YTHDC1: variants seen among roughly 807,000 people sequenced by gnomAD.
The protein encoded by YTHDC1 is YTH N6-methyladenosine RNA binding protein C1.
In YTHDC1, 12 loss-of-function variants were observed where a neutral mutation model predicts 107.0. The observed-to-expected ratio is 0.11, with a 90% CI of 0.07 to 0.18. YTHDC1 has a LOEUF of 0.18. Ranked by LOEUF, YTHDC1 falls within the 10% of genes least tolerant of loss-of-function variation. The pLI is 1.00. For missense variants in YTHDC1, 635 were observed against 898.8 expected (o/e 0.71, Z 3.75); for synonymous variants, 280 against 289.5 (o/e 0.97, Z 0.33).
chr4:68,350,026 T>C lies in YTHDC1; in HGVS notation c.-273A>G, dbSNP rs1725939924. ...GTATGGGGGAGGGAAGGGAAACAGATGGCGACGGCGGGCGGCGCTAAAATG... is the reference window on the plus strand; with the variant it reads ...GTATGGGGGAGGGAAGGGAAACAGACGGCGACGGCGGGCGGCGCTAAAATG... On this transcript the variant is annotated 5_prime_UTR_variant, in exon 1 of 17. Transcript: ENST00000344157. 4 of 552,082 alleles carry C rather than the reference T, an allele frequency of 7.2e-6. No individual in the cohort carries two copies. Among genetic ancestry groups the C allele is most frequent in the South Asian group, 2.3e-5 (1 of 44,144 alleles). 34.2% of individuals were successfully genotyped at this position (552,082 alleles called of 1,614,324 possible).
chr4:68,312,745 C>T lies in YTHDC1; in HGVS notation c.*1354G>A, dbSNP rs1036530530. The T allele has an allele frequency of 2.0e-5, 3 of 152,164 alleles. No individual in the cohort carries two copies. Among genetic ancestry groups the T allele is most frequent in the African/African-American group, 7.2e-5 (3 of 41,438 alleles). The allele number at this position is 152,164 out of a possible 1,614,324, so 9.4% of individuals were successfully genotyped here. A position where few individuals can be genotyped will look rare whatever the true frequency, so the allele number is the denominator to read the frequency against. ...AAACTGTACTATGTGATCTGGTACA[C>T]AGTACAACTGTTGATACTATAAAAA... On this transcript the variant is annotated 3_prime_UTR_variant, in exon 17 of 17. Coordinates refer to ENST00000344157, the MANE Select transcript of YTHDC1 (RefSeq NM_001031732.4).
chr4:68,333,596 C>G (rs1386832417), intron 4 of YTHDC1, among the ~76,000 whole-genome samples, 199 bp from the exon 5 acceptor site: 1 of 152,006 alleles, frequency 6.6e-6, no homozygotes, highest in Non-Finnish European at 1.5e-5. Context: ...TTGTTTCTTT[C>G]ATCAGTTTCA....
At chr4:68,347,278 T>C (rs1476099944) in intron 1 of YTHDC1, among the ~76,000 whole-genome samples, 1 of 152,230 alleles carries the variant, frequency 6.6e-6, no homozygotes, top group Non-Finnish European at 1.5e-5. Flanking sequence ...AAAAGATTAA[T>C]ACAATTTATA....
chr4:68,323,048 T>A, intron 10 of YTHDC1, 133 bp from the exon 11 acceptor site: 1 of 752,560 alleles, frequency 1.3e-6, no homozygotes, highest in Non-Finnish European at 2.1e-6. Flanking sequence ...GGGATTCCAA[T>A]AAGACTTCCA....
In YTHDC1 at chr4:68,312,514, A is replaced by G. The variant is rs755472116; in HGVS notation, c.*1585T>C. 2.6e-5 allele frequency: 4 copies of G among 152,218 alleles called. No homozygotes were observed. Among genetic ancestry groups the G allele is most frequent in the Non-Finnish European group, 5.9e-5 (4 of 68,032 alleles). 9.4% of individuals were successfully genotyped at this position (152,218 alleles called of 1,614,324 possible). On this transcript the variant is annotated 3_prime_UTR_variant, in exon 17 of 17. Transcript: ENST00000344157. The stretch of plus-strand genomic sequence containing the variant: ...CAAAACTAGAACCCAGGTTTCCTTA[A>G]AAGTACTTTTTCCTCTCTACCACAA...
chr4:68,326,722 C>G (rs1275915756), intron 9 of YTHDC1, among the ~76,000 whole-genome samples: 1 of 151,910 alleles, frequency 6.6e-6, no homozygotes, highest in Admixed American at 6.5e-5. Context: ...TCCCATGTAG[C>G]TGGGACTACA....
At chr4:68,317,854 G>A (rs1722030734) in intron 15 of YTHDC1, among the ~76,000 whole-genome samples, 2 of 152,112 alleles carry the variant, frequency 1.3e-5, no homozygotes, top group South Asian at 4.1e-4. Flanking sequence ...TATTTGATAA[G>A]ACAAAGCATC....
intron 12 of YTHDC1, among the ~76,000 whole-genome samples, chr4:68,319,711 C>G (rs1417868222): frequency 6.6e-6 from 1 of 152,028 alleles, no homozygotes; most frequent in African/African-American, 2.4e-5. Context: ...CCATTCCTCT[C>G]CAAAGACATA....
chr4:68,348,009 A>G (rs1239043982), intron 1 of YTHDC1, among the ~76,000 whole-genome samples: 1 of 152,244 alleles, frequency 6.6e-6, no homozygotes, highest in East Asian at 1.9e-4. Flanking sequence ...AAAACTAAGC[A>G]AATGTGAGGC....
Position 68,350,039 on chromosome 4 carries a change from C to T in YTHDC1, c.-286G>A. 1.8e-6 allele frequency: 1 copy of T among 544,476 alleles called. No homozygotes were observed. Among genetic ancestry groups the T allele is most frequent in the South Asian group, 2.3e-5 (1 of 44,070 alleles). 33.7% of individuals were successfully genotyped at this position (544,476 alleles called of 1,614,324 possible). A position where few individuals can be genotyped will look rare whatever the true frequency, so the allele number is the denominator to read the frequency against. The stretch of plus-strand genomic sequence containing the variant: ...AAGGGAAACAGATGGCGACGGCGGG[C>T]GGCGCTAAAATGGAGCCTGCTTCCT... On this transcript the variant is annotated 5_prime_UTR_variant, in exon 1 of 17. Transcript: ENST00000344157.
At chr4:68,345,054 T>G (rs1725266823) in intron 1 of YTHDC1, among the ~76,000 whole-genome samples, 1 of 152,124 alleles carries the variant, frequency 6.6e-6, no homozygotes, top group Admixed American at 6.5e-5. Context: ...AAAAAAATCA[T>G]TATTTTTAAG....
chr4:68,349,817 C>T lies in YTHDC1; in HGVS notation c.-64G>A. On this transcript the variant is annotated 5_prime_UTR_variant, in exon 1 of 17. Coordinates refer to ENST00000344157, the MANE Select transcript of YTHDC1 (RefSeq NM_001031732.4). ...CGCTTAGACGCGACTCGCGCGGGCG[C>T]CGCAGCCGCGGCAGAAGCACGGGCC... 1.5e-5 allele frequency: 24 copies of T among 1,608,986 alleles called. No individual in the cohort carries two copies. The highest frequency in any genetic ancestry group is 1.9e-5 in the Non-Finnish European group (22 of 1,177,510).
Position 68,323,000 on chromosome 4 carries a change from T to C in YTHDC1, c.1435-85A>G. The C allele has an allele frequency of 7.2e-7, 1 of 1,386,646 alleles. No individual in the cohort carries two copies. Among genetic ancestry groups the C allele is most frequent in the Non-Finnish European group, 9.9e-7 (1 of 1,011,742 alleles). The allele number at this position is 1,386,646 out of a possible 1,614,324, so 85.9% of individuals were successfully genotyped here. On this transcript the variant is annotated intron_variant, in intron 10 of 16. Transcript: ENST00000344157. This position sits in a 1 kb window ranked among gnomAD's most constrained non-coding sequence, Gnocchi z 4.8. ...TTTCCTGATGTACCAGAACAAAAACTGACTTGGAAGCTTTCTTCCCAAGGC... is the reference window on the plus strand; with the variant it reads ...TTTCCTGATGTACCAGAACAAAAACCGACTTGGAAGCTTTCTTCCCAAGGC...
At chr4:68,315,206 T>C (rs543358773) in intron 16 of YTHDC1, among the ~76,000 whole-genome samples, 64 of 152,214 alleles carry the variant, frequency 4.2e-4, no homozygotes, top group Admixed American at 1.5e-3. Context: ...CTTTCTTGTG[T>C]GCTTAACTGA....
rs559874567 is a variant in YTHDC1, at chr4:68,337,880, G to T, written c.151C>A (p.Arg51=). The stretch of plus-strand genomic sequence containing the variant: ...CGTTTGGTATCAGTAGATTCCATTC[G>T]ATCACTTTTTCTTTTTGATCCTTTA... ...EKKGSKRKSD[R]MESTDTKRQK... The change falls in exon 3 of 17, where the codon CGA becomes AGA. Residue 51 remains arginine (R), a synonymous_variant. Coordinates refer to ENST00000344157, the MANE Select transcript of YTHDC1 (RefSeq NM_001031732.4). 8 of 1,611,016 alleles carry T rather than the reference G, an allele frequency of 5.0e-6. No homozygotes were observed. Among genetic ancestry groups the T allele is most frequent in the South Asian group, 2.2e-5 (2 of 90,796 alleles).
chr4:68,317,025 G>C (rs1337965801), intron 15 of YTHDC1, among the ~76,000 whole-genome samples: 1 of 152,160 alleles, frequency 6.6e-6, no homozygotes, highest in Non-Finnish European at 1.5e-5. Flanking sequence ...TAAGCCAGGA[G>C]TTGGAGACCA....
chr4:68,336,239 T>C (rs973312587), intron 4 of YTHDC1, among the ~76,000 whole-genome samples: 4 of 151,978 alleles, frequency 2.6e-5, no homozygotes, highest in Non-Finnish European at 5.9e-5. Flanking sequence ...AGCAATCTGG[T>C]AGCATCTTTA....
intron 10 of YTHDC1, among the ~76,000 whole-genome samples, chr4:68,323,670 C>T (rs572873231): frequency 3.9e-5 from 6 of 152,204 alleles, no homozygotes; most frequent in African/African-American, 1.2e-4. Context: ...GTGAGAATTA[C>T]AAGGGTCAAA....
chr4:68,325,288 T>G (rs1323642084), intron 9 of YTHDC1, among the ~76,000 whole-genome samples: 1 of 152,096 alleles, frequency 6.6e-6, no homozygotes, highest in Non-Finnish European at 1.5e-5. Context: ...TTGTTTTTAA[T>G]AGGAGTGGTT....
Sources: gnomAD v4.1 joint callset for allele counts (sites outside exome capture counted in the v4.1 genomes callset) on GRCh38, gnomAD v4.1.1 for gene constraint, Gnocchi (gnomAD v3.1) non-coding constraint, MANE v1.5 for transcripts, NCBI Gene and HGNC (gene_info 2026-07-23, HGNC 2026-07-21) for gene names.